The following DPP10 variants were observed in gnomAD, a reference collection of about 807,000 sequenced individuals.
DPP10 encodes the protein dipeptidyl peptidase like 10.
Under a neutral mutation model 120.9 loss-of-function variants are expected in DPP10, and 33 were observed. The ratio of observed to expected loss-of-function variants is 0.27; its 90% CI spans 0.21 to 0.37. The LOEUF (loss-of-function observed/expected upper bound fraction) is 0.37. Ranked by LOEUF, DPP10 falls within the 10% of genes least tolerant of loss-of-function variation. The pLI is 1.00. For missense variants in DPP10, 816 were observed against 942.8 expected (o/e 0.87, Z 1.76); for synonymous variants, 337 against 326.1 (o/e 1.03, Z -0.36).
At chr2:114,571,972 T>G (rs1689690326) in intron 1 of DPP10, among the ~76,000 whole-genome samples, 1 of 148,966 alleles carries the variant, frequency 6.7e-6, no homozygotes. Context: ...GTGTATATAT[T>G]ATGTATATGT....
chr2:114,909,583 G>T (rs181603132), intron 1 of DPP10, among the ~76,000 whole-genome samples: 4 of 151,982 alleles, frequency 2.6e-5, no homozygotes, highest in Non-Finnish European at 5.9e-5. Flanking sequence ...GATGTATAGC[G>T]TTCTTAGTCT....
intron 1 of DPP10, among the ~76,000 whole-genome samples, chr2:114,520,911 G>A (rs146569020): frequency 6.4e-4 from 97 of 152,250 alleles, no homozygotes; most frequent in African/African-American, 2.1e-3. Context: ...ACAGCTTTCC[G>A]AGATAATATA....
chr2:115,800,821 T>C (rs1400691517), intron 19 of DPP10, among the ~76,000 whole-genome samples: 4 of 152,184 alleles, frequency 2.6e-5, no homozygotes, highest in Non-Finnish European at 4.4e-5. Flanking sequence ...AGTACCATGC[T>C]GTTTTGGTTA....
At chr2:115,447,704 C>T (rs1361235622) in intron 3 of DPP10, among the ~76,000 whole-genome samples, 2 of 152,150 alleles carry the variant, frequency 1.3e-5, no homozygotes, top group Admixed American at 6.5e-5. Flanking sequence ...CTTGCTTCTC[C>T]TCATCTTCTG....
chr2:115,445,995 G>T (rs1272082439), intron 3 of DPP10, among the ~76,000 whole-genome samples: 3 of 152,100 alleles, frequency 2.0e-5, no homozygotes, highest in African/African-American at 7.2e-5. Flanking sequence ...AGGGAAAAAT[G>T]GTTTTGTAAG....
At chr2:115,325,596 T>C (rs940667700) in intron 2 of DPP10, among the ~76,000 whole-genome samples, 3 of 152,134 alleles carry the variant, frequency 2.0e-5, no homozygotes, top group Non-Finnish European at 4.4e-5. Flanking sequence ...TATATCACCA[T>C]TTGTAAAATT....
chr2:114,837,137 A>G (rs1029964969), intron 1 of DPP10, among the ~76,000 whole-genome samples: 2 of 152,224 alleles, frequency 1.3e-5, no homozygotes, highest in African/African-American at 2.4e-5. Flanking sequence ...AGATTAAAGT[A>G]AAGACAGGCA....
Position 115,150,011 on chromosome 2 carries a change from T to C in DPP10, c.61-159228T>C, listed in dbSNP as rs140664276. On this transcript the variant is annotated intron_variant, in intron 1 of 25. Transcript: ENST00000410059. ...GCCTGTGAGGGAATAAAAGAGTGAA[T>C]GGAAAAAGCAGGAATAACCCTTTGA... Among the ~76,000 whole-genome samples, 127 of 152,148 alleles carry C rather than the reference T, an allele frequency of 8.3e-4. 5 individuals are homozygous for C. Among genetic ancestry groups the C allele is most frequent in the African/African-American group, 2.8e-3 (117 of 41,496 alleles).
intron 1 of DPP10, among the ~76,000 whole-genome samples, chr2:115,189,365 A>G (rs1395153783): frequency 6.6e-6 from 1 of 152,168 alleles, no homozygotes; most frequent in Non-Finnish European, 1.5e-5. Flanking sequence ...GCCGGGACAG[A>G]GCAGGCGACA....
chr2:114,580,128 A>G (rs1288711739), intron 1 of DPP10, among the ~76,000 whole-genome samples: 1 of 152,192 alleles, frequency 6.6e-6, no homozygotes, highest in Non-Finnish European at 1.5e-5. Flanking sequence ...GATGACATAA[A>G]GCAGTGCTAC....
intron 11 of DPP10, among the ~76,000 whole-genome samples, chr2:115,761,503 A>G (rs913525790): frequency 2.6e-5 from 4 of 152,296 alleles, no homozygotes; most frequent in African/African-American, 9.6e-5. Flanking sequence ...GACAAACAAT[A>G]ACAAATGAAG....
At chr2:115,789,794 A>C (rs1369721985) in intron 17 of DPP10, among the ~76,000 whole-genome samples, 6 of 152,228 alleles carry the variant, frequency 3.9e-5, no homozygotes, top group Admixed American at 3.9e-4. Flanking sequence ...CACAAAATTC[A>C]ACCATTTCAT....
At chr2:114,497,364 T>TGTACGTATACATAC (rs1682741508) in intron 1 of DPP10, among the ~76,000 whole-genome samples, 1 of 140,018 alleles carries the variant, frequency 7.1e-6, no homozygotes, top group African/African-American at 2.8e-5. Flanking sequence ...TACATATACA[T>TGTACGTATACATAC]ACACATGTAC....
intron 5 of DPP10, among the ~76,000 whole-genome samples, chr2:115,651,520 A>G (rs1418369416): frequency 6.6e-6 from 1 of 152,072 alleles, no homozygotes. Context: ...AAGAATTCGA[A>G]AGAAACAGAG....
At chr2:115,424,033 TTGGAATCTATGGAG>T (rs1298402428) in intron 3 of DPP10, among the ~76,000 whole-genome samples, 1 of 152,100 alleles carries the variant, frequency 6.6e-6, no homozygotes, top group African/African-American at 2.4e-5. Context: ...AGAATTGTTG[TTGGAATCTATGGAG>T]CCACAGTCTC....
chr2:114,442,697 C>A lies in DPP10; in HGVS notation c.-82C>A. 1 of 1,527,286 alleles carries A rather than the reference C, an allele frequency of 6.5e-7. No homozygotes were observed. Among genetic ancestry groups the A allele is most frequent in the Non-Finnish European group, 9.0e-7 (1 of 1,109,222 alleles). 94.6% of individuals were successfully genotyped at this position (1,527,286 alleles called of 1,614,324 possible). On this transcript the variant is annotated 5_prime_UTR_variant, in exon 1 of 26. In the 5' UTR this introduces an upstream ATG that the reference lacks. Coordinates refer to ENST00000410059, the MANE Select transcript of DPP10 (RefSeq NM_020868.6). Reference sequence around the variant, plus strand: ...GCAGCAGCAACAGCAGCAGCCCCTACTGAAGTCCAATAGAGGAGACTTGAT... The same window carrying A: ...GCAGCAGCAACAGCAGCAGCCCCTAATGAAGTCCAATAGAGGAGACTTGAT...
At chr2:115,183,303 A>G (rs1048022567) in intron 1 of DPP10, among the ~76,000 whole-genome samples, 1 of 152,266 alleles carries the variant, frequency 6.6e-6, no homozygotes, top group East Asian at 1.9e-4. Flanking sequence ...TCATTCTTCC[A>G]AACTGGTTGT....
At chr2:115,137,667 G>A (rs1017488791) in intron 1 of DPP10, among the ~76,000 whole-genome samples, 9 of 152,112 alleles carry the variant, frequency 5.9e-5, no homozygotes, top group Non-Finnish European at 1.0e-4. Flanking sequence ...CATAACTGGC[G>A]GGCTACAGAG....
chr2:115,538,307 C>T (rs1425323364), intron 5 of DPP10, among the ~76,000 whole-genome samples: 3 of 151,890 alleles, frequency 2.0e-5, no homozygotes, highest in Admixed American at 6.6e-5. Flanking sequence ...ATAGCCATAT[C>T]CAGAGAACTG....
Sources: allele counts gnomAD v4.1 joint callset (sites outside exome capture counted in the v4.1 genomes callset), GRCh38; gene constraint gnomAD v4.1.1; transcripts MANE v1.5; gene names NCBI Gene and HGNC (gene_info 2026-07-23, HGNC 2026-07-21).